Variants in SMCO2 observed in about 807,000 individuals in gnomAD.
SMCO2 encodes single-pass membrane protein with coiled-coil domains 2.
SMCO2 carries 25 observed loss-of-function variants against 29.5 expected under a neutral mutation model. That is an observed-to-expected ratio of 0.85 (90% CI 0.62 to 1.18). The LOEUF (loss-of-function observed/expected upper bound fraction) is 1.18. Ranked by LOEUF, SMCO2 falls within the 50% of genes most tolerant of loss-of-function variation. The probability of loss-of-function intolerance (pLI) is 0.00; values close to 1 mark genes in which losing one functional copy is unlikely to be tolerated. For synonymous variants in SMCO2, 117 were observed against 123.3 expected, an observed-to-expected ratio of 0.95 and a Z score of 0.34; for missense variants, 348 against 344.5, an observed-to-expected ratio of 1.01 and a Z score of -0.08.
intron 5 of SMCO2, among the ~76,000 whole-genome samples, chr12:27,492,390 G>A (rs1034110752): frequency 6.6e-6 from 1 of 152,138 alleles, no homozygotes; most frequent in Admixed American, 6.5e-5. Flanking sequence ...GCTCTTGCAA[G>A]TACTTCTTTA....
upstream of SMCO2, among the ~76,000 whole-genome samples, chr12:27,462,514 T>C (rs559649564): frequency 6.6e-6 from 1 of 152,216 alleles, no homozygotes; most frequent in Non-Finnish European, 1.5e-5. Context: ...CAGACAGTCA[T>C]TTCTCTTTTT....
chr12:27,454,659 G>T, the SMCO2 span, among the ~76,000 whole-genome samples: 27 of 152,214 alleles, frequency 1.8e-4, no homozygotes, highest in African/African-American at 6.3e-4. Context: ...ACGTGCCATG[G>T]TGGTTTGCTG....
At chr12:27,488,860 G>A (rs1326299137) in intron 5 of SMCO2, among the ~76,000 whole-genome samples, 1 of 152,128 alleles carries the variant, frequency 6.6e-6, no homozygotes, top group African/African-American at 2.4e-5. Context: ...ACGGTACAGA[G>A]AATACATCCA....
At chr12:27,479,659 T>C (rs1200207133) in intron 4 of SMCO2, among the ~76,000 whole-genome samples, 3 of 152,140 alleles carry the variant, frequency 2.0e-5, no homozygotes, top group African/African-American at 7.2e-5. Flanking sequence ...AACTGAATCA[T>C]GGGAGCGGGT....
upstream of SMCO2, among the ~76,000 whole-genome samples, chr12:27,466,423 T>C (rs1949499068): frequency 6.6e-6 from 1 of 151,816 alleles, no homozygotes; most frequent in East Asian, 1.9e-4. Context: ...AAAAATAAAA[T>C]AAAATAAAAA....
At chr12:27,490,631 C>T (rs948186992) in intron 5 of SMCO2, among the ~76,000 whole-genome samples, 1 of 152,106 alleles carries the variant, frequency 6.6e-6, no homozygotes, top group Non-Finnish European at 1.5e-5. Context: ...AAAGGTGAAG[C>T]TTTAAATGTA....
At chr12:27,449,325 C>T in the SMCO2 span, among the ~76,000 whole-genome samples, 5 of 152,138 alleles carry the variant, frequency 3.3e-5, no homozygotes, top group South Asian at 6.2e-4. Context: ...TTCATACTTT[C>T]GTTATGTTTA....
intron 3 of SMCO2, among the ~76,000 whole-genome samples, chr12:27,474,336 A>T (rs2135548848): frequency 6.6e-6 from 1 of 152,294 alleles, no homozygotes; most frequent in East Asian, 1.9e-4. Context: ...TGTCCCCCAA[A>T]TGTCTTTTAC....
At chr12:27,490,154 G>A (rs764411276) in intron 5 of SMCO2, among the ~76,000 whole-genome samples, 42 of 152,178 alleles carry the variant, frequency 2.8e-4, no homozygotes, top group Non-Finnish European at 4.4e-4. Flanking sequence ...GTACACGTAC[G>A]TGATGGAATA....
the SMCO2 span, among the ~76,000 whole-genome samples, chr12:27,448,414 A>C: frequency 6.6e-6 from 1 of 152,204 alleles, no homozygotes; most frequent in Non-Finnish European, 1.5e-5. Flanking sequence ...TTGAAATAGA[A>C]AGGGTGGCCA....
the SMCO2 span, among the ~76,000 whole-genome samples, chr12:27,436,835 C>T: frequency 2.6e-5 from 4 of 152,288 alleles, no homozygotes; most frequent in East Asian, 7.7e-4. Context: ...GACAGTAAGG[C>T]TACATATATT....
intron 2 of SMCO2, 67 bp downstream of exon 2, chr12:27,470,832 G>A (rs1013616008): frequency 2.7e-5 from 41 of 1,502,410 alleles, no homozygotes; most frequent in Middle Eastern, 3.5e-4. Flanking sequence ...TTGGGCCAGC[G>A]GTATGCAAAC....
intron 7 of SMCO2, 21 bp downstream of exon 8, chr12:27,495,876 A>ATTCAGG: frequency 7.0e-7 from 1 of 1,421,948 alleles, no homozygotes; most frequent in East Asian, 2.5e-5. Context: ...GCAAGAGGCC[A>ATTCAGG]TTCAGGGCTG....
In SMCO2 at chr12:27,499,565, A is replaced by G. The variant is rs993895185; in HGVS notation, c.684-2358A>G. 5.3e-5 allele frequency among the ~76,000 whole-genome samples: 8 copies of G among 150,764 alleles called. 1 individual carries two copies. The South Asian group carries it at 1.7e-3, about 32-fold the overall frequency. ...CAAAAGCCTCTGGATTGTACAATGT[A>G]TAGAGTGAATTTTATAGTATGTGAC... On this transcript the variant is annotated intron_variant, in intron 7 of 7. Transcript: ENST00000298876.
At chr12:27,437,879 C>G in the SMCO2 span, among the ~76,000 whole-genome samples, 3 of 152,178 alleles carry the variant, frequency 2.0e-5, no homozygotes, top group African/African-American at 7.2e-5. Context: ...TCAACATCTC[C>G]CTCTTTTCTA....
chr12:27,470,867 T>G, intron 2 of SMCO2, 102 bp downstream of exon 2: 1 of 1,308,076 alleles, frequency 7.6e-7, no homozygotes, highest in Non-Finnish European at 1.0e-6. Flanking sequence ...GTTCAGAGTC[T>G]AGGTTGACAG....
At chr12:27,471,681 A>G (rs1949542579) in intron 2 of SMCO2, among the ~76,000 whole-genome samples, 1 of 152,206 alleles carries the variant, frequency 6.6e-6, no homozygotes, top group Non-Finnish European at 1.5e-5. Flanking sequence ...AATGAGTTTT[A>G]TACACATAGG....
chr12:27,460,231 T>A, the SMCO2 span, among the ~76,000 whole-genome samples: 1 of 152,126 alleles, frequency 6.6e-6, no homozygotes, highest in African/African-American at 2.4e-5. Flanking sequence ...TTAGGACAGT[T>A]ATTGGTACTT....
the SMCO2 span, among the ~76,000 whole-genome samples, chr12:27,455,502 C>G: frequency 2.0e-5 from 3 of 152,106 alleles, no homozygotes; most frequent in African/African-American, 7.2e-5. Flanking sequence ...ATAAGTTTAC[C>G]AAGCTTATTA....
Sources: allele counts gnomAD v4.1 joint callset (sites outside exome capture counted in the v4.1 genomes callset), GRCh38; gene constraint gnomAD v4.1.1; transcripts MANE v1.5; gene names NCBI Gene and HGNC (gene_info 2026-07-23, HGNC 2026-07-21).